The following TNNI3K variants were observed in gnomAD, a reference collection of about 807,000 sequenced individuals.
TNNI3K encodes TNNI3 interacting kinase, also known as serine/threonine-protein kinase TNNI3K.
A neutral mutation model predicts 114.5 loss-of-function variants in TNNI3K; 140 were observed. The observed-to-expected ratio is 1.22, with a 90% CI of 1.07 to 1.41. The LOEUF (loss-of-function observed/expected upper bound fraction) is 1.41. Among genes scored for constraint, TNNI3K ranks in the 40% most tolerant of loss-of-function variants. The probability of loss-of-function intolerance (pLI) is 0.00; values close to 1 mark genes in which losing one functional copy is unlikely to be tolerated. For synonymous variants in TNNI3K, 347 were observed against 347.5 expected, an observed-to-expected ratio of 1.00 and a Z score of 0.02; for missense variants, 1,125 against 1,007.6, an observed-to-expected ratio of 1.12 and a Z score of -1.58.
chr1:74,297,671 A>G (rs1658080472), intron 5 of TNNI3K, among the ~76,000 whole-genome samples: 3 of 152,086 alleles, frequency 2.0e-5, no homozygotes, highest in Admixed American at 1.3e-4. Context: ...ATCTCTTCAA[A>G]TACTGATTTC....
At chr1:74,269,066 G>A (rs573412911) in intron 4 of TNNI3K, among the ~76,000 whole-genome samples, 63 of 151,892 alleles carry the variant, frequency 4.1e-4, no homozygotes, top group Non-Finnish European at 7.2e-4. Context: ...TTTTGCACTA[G>A]CTATGTTTCA....
intron 23 of TNNI3K, among the ~76,000 whole-genome samples, chr1:74,526,494 T>C (rs924965073): frequency 2.0e-5 from 3 of 152,146 alleles, no homozygotes; most frequent in African/African-American, 7.2e-5. Flanking sequence ...TTTGGCCAAG[T>C]TAGTTGAGCT....
Position 74,543,782 on chromosome 1 carries a change from A to C in TNNI3K, c.2432-124A>C, listed in dbSNP as rs1353944814. 4 of 1,053,150 alleles carry C rather than the reference A, an allele frequency of 3.8e-6. No homozygotes were observed. The African/African-American group carries it at 4.8e-5, about 13-fold the overall frequency. The allele number at this position is 1,053,150 out of a possible 1,614,324, so 65.2% of individuals were successfully genotyped here. A position where few individuals can be genotyped will look rare whatever the true frequency, so the allele number is the denominator to read the frequency against. On this transcript the variant is annotated intron_variant, in intron 24 of 24. Transcript: ENST00000326637. ...TTGTGCTTTGCAACTACTCACCAGC[A>C]ACCGTTGTCCAGATTGTCTGTTCAC...
chr1:74,465,645 G>A (rs560380662), intron 21 of TNNI3K, among the ~76,000 whole-genome samples: 1 of 152,334 alleles, frequency 6.6e-6, no homozygotes, highest in Non-Finnish European at 1.5e-5. Context: ...GAGTGCAGGC[G>A]CATGATGCAG....
At chr1:74,360,170 A>T (rs542946562) in intron 11 of TNNI3K, among the ~76,000 whole-genome samples, 16 of 151,894 alleles carry the variant, frequency 1.1e-4, no homozygotes, top group African/African-American at 3.9e-4. Flanking sequence ...ATAACCTCAT[A>T]ACTGCCCTTT....
chr1:74,426,532 C>A (rs1288455707), intron 17 of TNNI3K, among the ~76,000 whole-genome samples: 1 of 152,032 alleles, frequency 6.6e-6, no homozygotes, highest in Admixed American at 6.6e-5. Context: ...GGTCTTCTAA[C>A]AGGAAACTTG....
chr1:74,414,443 G>A (rs1199128068), intron 17 of TNNI3K, among the ~76,000 whole-genome samples: 1 of 152,138 alleles, frequency 6.6e-6, no homozygotes. Context: ...TCATGAACTG[G>A]TGTCAAGCAA....
chr1:74,496,154 A>T (rs879686810), intron 23 of TNNI3K, among the ~76,000 whole-genome samples: 1 of 152,206 alleles, frequency 6.6e-6, no homozygotes, highest in Non-Finnish European at 1.5e-5. Context: ...TCCAATATAC[A>T]TCCAAGTATA....
chr1:74,414,406 C>A (rs939440884), intron 17 of TNNI3K, among the ~76,000 whole-genome samples: 2 of 152,074 alleles, frequency 1.3e-5, no homozygotes, highest in Non-Finnish European at 2.9e-5. Context: ...TTATTACATC[C>A]AGTTATACTT....
At chr1:74,436,603 A>T (rs532756272) in intron 19 of TNNI3K, 77 bp downstream of exon 19, 1 of 1,462,164 alleles carries the variant, frequency 6.8e-7, no homozygotes, top group East Asian at 2.5e-5. Flanking sequence ...ACGTAAGATG[A>T]GAGCAGTTTT....
chr1:74,420,041 A>G (rs1010152677), intron 17 of TNNI3K, among the ~76,000 whole-genome samples: 1 of 152,074 alleles, frequency 6.6e-6, no homozygotes. Flanking sequence ...GAAGAGCGAT[A>G]AGAGAAAAGA....
Position 74,471,996 on chromosome 1 carries a change from C to A in TNNI3K, c.2121+8446C>A, listed in dbSNP as rs35407356. 5.1e-5 allele frequency: 33 copies of A among 651,146 alleles called. No homozygotes were observed. The African/African-American group carries it at 5.3e-4, about 11-fold the overall frequency. 40.3% of individuals were successfully genotyped at this position (651,146 alleles called of 1,614,324 possible). A position where few individuals can be genotyped will look rare whatever the true frequency, so the allele number is the denominator to read the frequency against. ...ATTTTGATCTATTTTTTTGTACGAT[C>A]TTTTGTACATAGTGTTCCTCAGGCT... On this transcript the variant is annotated intron_variant, in intron 21 of 24. Coordinates refer to ENST00000326637, the MANE Select transcript of TNNI3K (RefSeq NM_015978.3).
chr1:74,436,543 G>T lies in TNNI3K; in HGVS notation c.1878+17G>T. The T allele has an allele frequency of 1.3e-6, 2 of 1,581,824 alleles. No individual in the cohort carries two copies. The highest frequency in any genetic ancestry group is 1.7e-6 in the Non-Finnish European group (2 of 1,170,986). ...CAACCTGGGGTTTGCTGCTGCTTGT[G>T]TTTCCTATAATTATAAACCAATTAA... On this transcript the variant is annotated intron_variant, in intron 19 of 24. Coordinates refer to ENST00000326637, the MANE Select transcript of TNNI3K (RefSeq NM_015978.3).
chr1:74,278,420 A>T (rs1656809671), intron 5 of TNNI3K, among the ~76,000 whole-genome samples: 1 of 152,154 alleles, frequency 6.6e-6, no homozygotes, highest in Admixed American at 6.6e-5. Context: ...ACCAGAATTT[A>T]AGCTTTGGAC....
At position 74,269,115 on chromosome 1, in the gene TNNI3K, A is replaced by G. The variant is rs189635728; in HGVS notation, c.334-2483A>G. 5.2e-3 allele frequency among the ~76,000 whole-genome samples: 783 copies of G among 151,962 alleles called. 9 individuals are homozygous for G. The highest frequency in any genetic ancestry group is 0.018 in the African/African-American group (755 of 41,520). On this transcript the variant is annotated intron_variant, in intron 4 of 24. Transcript: ENST00000326637. ...ATCCTTGAAATTGTGACTTTTTGCC[A>G]TCTACCATTTATCTCAAAAGTCACC... is the stretch of plus-strand genomic sequence containing the variant.
At chr1:74,283,593 C>T (rs975129188) in intron 5 of TNNI3K, among the ~76,000 whole-genome samples, 4 of 152,120 alleles carry the variant, frequency 2.6e-5, no homozygotes, top group Non-Finnish European at 4.4e-5. Flanking sequence ...GCTTGCTGCC[C>T]TGGAAAATGA....
intron 23 of TNNI3K, among the ~76,000 whole-genome samples, chr1:74,496,419 G>A (rs1422296975): frequency 6.6e-6 from 1 of 152,086 alleles, no homozygotes; most frequent in Non-Finnish European, 1.5e-5. Context: ...ATAGCATTAT[G>A]ATTTTGAAAA....
intron 23 of TNNI3K, among the ~76,000 whole-genome samples, chr1:74,504,599 G>A (rs1019683618): frequency 6.6e-5 from 10 of 152,022 alleles, no homozygotes; most frequent in African/African-American, 2.4e-4. Flanking sequence ...TAAAAGTCAA[G>A]ATATGAGAAG....
chr1:74,331,625 A>G, intron 6 of TNNI3K, 77 bp downstream of exon 6: 1 of 1,248,156 alleles, frequency 8.0e-7, no homozygotes, highest in Non-Finnish European at 1.1e-6. Flanking sequence ...CTAGCTTCAA[A>G]GAGTTTATAT....
Sources: allele counts gnomAD v4.1 joint callset (sites outside exome capture counted in the v4.1 genomes callset), GRCh38; gene constraint gnomAD v4.1.1; transcripts MANE v1.5; gene names NCBI Gene and HGNC (gene_info 2026-07-23, HGNC 2026-07-21).